COX10: variants seen among roughly 807,000 people sequenced by gnomAD.
COX10 encodes protoheme IX farnesyltransferase, mitochondrial.
Under a neutral mutation model 37.3 loss-of-function variants are expected in COX10, and 27 were observed. That is an observed-to-expected ratio of 0.72 (90% CI 0.53 to 1.00). The LOEUF (loss-of-function observed/expected upper bound fraction) is 1.00. Among genes scored for constraint, COX10 ranks in the 50% least tolerant of loss-of-function variants. The pLI is 0.00. For synonymous variants in COX10, 222 were observed against 229.1 expected (o/e 0.97, Z 0.28); for missense variants, 475 against 563.2 (o/e 0.84, Z 1.59).
At chr17:14,204,176 C>T (rs1906627751) in intron 6 of COX10, among the ~76,000 whole-genome samples, 1 of 152,106 alleles carries the variant, frequency 6.6e-6, no homozygotes, top group Non-Finnish European at 1.5e-5. Context: ...AGAAGTTCAC[C>T]TCAGGTAGGA....
chr17:14,143,319 G>A (rs1904605086), intron 4 of COX10, among the ~76,000 whole-genome samples: 1 of 152,064 alleles, frequency 6.6e-6, no homozygotes. Flanking sequence ...CCATTGAAAT[G>A]TATAAAGAAG....
chr17:14,155,609 G>A (rs1192737024), intron 4 of COX10, among the ~76,000 whole-genome samples: 1 of 151,928 alleles, frequency 6.6e-6, no homozygotes, highest in Non-Finnish European at 1.5e-5. Flanking sequence ...CAGCTACTTG[G>A]GAGGCTGAGG....
At chr17:14,162,468 T>A (rs1034606662) in intron 5 of COX10, among the ~76,000 whole-genome samples, 5 of 152,218 alleles carry the variant, frequency 3.3e-5, no homozygotes, top group Non-Finnish European at 5.9e-5. Flanking sequence ...GTTTCTCTAG[T>A]GTCACAAAAA....
intron 4 of COX10, among the ~76,000 whole-genome samples, chr17:14,140,531 A>G (rs1597517258): frequency 6.6e-6 from 1 of 152,108 alleles, no homozygotes; most frequent in East Asian, 1.9e-4. Context: ...CAGAAGTGGA[A>G]TTTATTAGAG....
At chr17:14,097,202 G>T (rs1915670471) in intron 3 of COX10, among the ~76,000 whole-genome samples, 1 of 152,064 alleles carries the variant, frequency 6.6e-6, no homozygotes, top group South Asian at 2.1e-4. Context: ...TGGCAGTGTT[G>T]TATGAGAAAA....
In COX10 at chr17:14,207,256, C is replaced by A. The variant is rs778711767; in HGVS notation, c.*43C>A. 4.6e-6 allele frequency: 7 copies of A among 1,515,364 alleles called. No individual in the cohort carries two copies. Among genetic ancestry groups the A allele is most frequent in the Non-Finnish European group, 6.2e-6 (7 of 1,135,278 alleles). The allele number at this position is 1,515,364 out of a possible 1,614,324, so 93.9% of individuals were successfully genotyped here. On this transcript the variant is annotated 3_prime_UTR_variant, in exon 7 of 7. Coordinates refer to ENST00000261643, the MANE Select transcript of COX10 (RefSeq NM_001303.4). ...CCGCCCCTTTCCCTCCGCTGCCAGG[C>A]GAGCATGTTGTGGTAATTCTGGAAC... is the stretch of plus-strand genomic sequence containing the variant.
At chr17:14,146,272 C>G (rs1047532252) in intron 4 of COX10, among the ~76,000 whole-genome samples, 4 of 152,030 alleles carry the variant, frequency 2.6e-5, no homozygotes, top group African/African-American at 9.7e-5. Context: ...GTAACCAAAA[C>G]AGCATGGTAC....
At chr17:14,127,340 T>C (rs185307043) in intron 4 of COX10, among the ~76,000 whole-genome samples, 5 of 152,264 alleles carry the variant, frequency 3.3e-5, no homozygotes, top group Admixed American at 1.3e-4. Flanking sequence ...TCTGATAGAG[T>C]TCGAGACAGC....
chr17:14,126,663 A>G (rs1005683025), intron 4 of COX10, among the ~76,000 whole-genome samples: 9 of 152,060 alleles, frequency 5.9e-5, no homozygotes, highest in Non-Finnish European at 1.3e-4. Flanking sequence ...TCTTTTGTTC[A>G]GCTCCTTGAT....
chr17:14,088,184 A>T (rs1915453529), intron 3 of COX10, among the ~76,000 whole-genome samples: 1 of 152,160 alleles, frequency 6.6e-6, no homozygotes, highest in Admixed American at 6.5e-5. Flanking sequence ...ATTCCTTATT[A>T]GTAGCTATTT....
intron 3 of COX10, among the ~76,000 whole-genome samples, chr17:14,092,469 A>G (rs1443625426): frequency 6.6e-6 from 1 of 152,152 alleles, no homozygotes; most frequent in Non-Finnish European, 1.5e-5. Flanking sequence ...AAAAACCTGT[A>G]TTAAAAGTCT....
intron 5 of COX10, among the ~76,000 whole-genome samples, chr17:14,174,885 A>T (rs992206054): frequency 2.2e-4 from 33 of 150,784 alleles, no homozygotes; most frequent in East Asian, 7.8e-4. Flanking sequence ...GATAAACAAA[A>T]TACGGCTGAA....
chr17:14,139,067 G>C (rs1032687709), intron 4 of COX10, among the ~76,000 whole-genome samples: 1 of 152,126 alleles, frequency 6.6e-6, no homozygotes, highest in Non-Finnish European at 1.5e-5. Flanking sequence ...TTACAGTGAG[G>C]ATTACATGAA....
chr17:14,128,783 GCGGTCAA>G (rs1916398388), intron 4 of COX10, among the ~76,000 whole-genome samples: 1 of 152,194 alleles, frequency 6.6e-6, no homozygotes. Flanking sequence ...CTAAACAAAG[GCGGTCAA>G]CTTTAAGAAG....
intron 4 of COX10, among the ~76,000 whole-genome samples, chr17:14,139,423 G>A (rs1016931131): frequency 6.6e-6 from 1 of 152,058 alleles, no homozygotes; most frequent in Non-Finnish European, 1.5e-5. Context: ...CAAATGTACT[G>A]CCTTAATCAC....
chr17:14,147,114 G>C (rs1597521050), intron 4 of COX10, among the ~76,000 whole-genome samples: 3 of 152,142 alleles, frequency 2.0e-5, no homozygotes, highest in South Asian at 4.1e-4. Flanking sequence ...TAACAATAGA[G>C]CTGCCATATG....
chr17:14,180,579 G>A (rs928568312), intron 5 of COX10, among the ~76,000 whole-genome samples: 6 of 152,262 alleles, frequency 3.9e-5, no homozygotes, highest in Admixed American at 3.3e-4. Context: ...TATTCCTAGG[G>A]ATGAAGGATT....
intron 4 of COX10, among the ~76,000 whole-genome samples, chr17:14,137,556 C>G (rs1441091463): frequency 6.6e-6 from 1 of 151,784 alleles, no homozygotes; most frequent in African/African-American, 2.4e-5. Flanking sequence ...TTTTAAAATG[C>G]TGATCAGAGG....
At chr17:14,069,834 C>T (rs1427329026) in intron 1 of COX10, among the ~76,000 whole-genome samples, 186 bp downstream of exon 1, 2 of 152,206 alleles carry the variant, frequency 1.3e-5, no homozygotes, top group Non-Finnish European at 2.9e-5. Flanking sequence ...AGGGTCCAGT[C>T]TTGCACTGTG....
Sources: allele counts gnomAD v4.1 joint callset (sites outside exome capture counted in the v4.1 genomes callset), GRCh38; gene constraint gnomAD v4.1.1; transcripts MANE v1.5; gene names NCBI Gene and HGNC (gene_info 2026-07-23, HGNC 2026-07-21).